Variants in NRG1 observed in about 807,000 individuals in gnomAD.
NRG1 encodes neuregulin 1, also known as pro-neuregulin-1, membrane-bound isoform.
NRG1 carries 18 observed loss-of-function variants against 63.8 expected under a neutral mutation model. That is an observed-to-expected ratio of 0.28 (90% CI 0.19 to 0.42). The LOEUF (loss-of-function observed/expected upper bound fraction) is 0.42. Ranked by LOEUF, NRG1 falls within the 10% of genes least tolerant of loss-of-function variation. The probability of loss-of-function intolerance (pLI) is 1.00; values close to 1 mark genes in which losing one functional copy is unlikely to be tolerated. For missense variants in NRG1, 762 were observed against 814.7 expected, an observed-to-expected ratio of 0.94 and a Z score of 0.79; for synonymous variants, 302 against 301.3, an observed-to-expected ratio of 1.00 and a Z score of -0.02.
intron 1 of NRG1, among the ~76,000 whole-genome samples, chr8:32,091,914 C>T (rs931316054): frequency 4.6e-5 from 7 of 152,018 alleles, no homozygotes; most frequent in South Asian, 2.1e-4. Context: ...ACTATGGCCT[C>T]GATCTGATGT....
intron 1 of NRG1, among the ~76,000 whole-genome samples, chr8:32,351,016 T>G (rs1402188441): frequency 6.6e-6 from 1 of 152,216 alleles, no homozygotes; most frequent in Non-Finnish European, 1.5e-5. Context: ...CTCCCCTTTT[T>G]GATCTCATGT....
At chr8:32,684,995 T>G (rs1281253784) in intron 5 of NRG1, among the ~76,000 whole-genome samples, 3 of 152,174 alleles carry the variant, frequency 2.0e-5, no homozygotes, top group Non-Finnish European at 4.4e-5. Context: ...AGAGAACCCC[T>G]GTACCCTTTG....
chr8:32,280,271 A>G (rs1279237815), intron 1 of NRG1, among the ~76,000 whole-genome samples: 1 of 152,228 alleles, frequency 6.6e-6, no homozygotes, highest in Non-Finnish European at 1.5e-5. Flanking sequence ...ACGCACGCAC[A>G]CTTTCTAAAG....
rs182571594 is a variant in NRG1 at position 32,622,059 on chromosome 8, T to A, written c.502+5174T>A. Among the ~76,000 whole-genome samples the A allele has an allele frequency of 5.3e-5, 8 of 152,250 alleles. No individual in the cohort carries two copies. In the East Asian group the frequency reaches 1.6e-3, roughly 30 times the overall value. The stretch of plus-strand genomic sequence containing the variant: ...TACACGTCAAAGCATGGCAGGTGAA[T>A]GAAATGGGAAGAGCACAAATGCTGA... On this transcript the variant is annotated intron_variant, in intron 5 of 11. Coordinates refer to ENST00000356819, the Ensembl canonical transcript of NRG1.
intron 1 of NRG1, among the ~76,000 whole-genome samples, chr8:32,323,549 A>C (rs1049159038): frequency 9.9e-5 from 15 of 152,204 alleles, no homozygotes; most frequent in African/African-American, 3.6e-4. Flanking sequence ...GAAGCCAGCA[A>C]TGGTCCTGCA....
At chr8:32,323,988 G>A (rs767724509) in intron 1 of NRG1, among the ~76,000 whole-genome samples, 13 of 152,016 alleles carry the variant, frequency 8.6e-5, no homozygotes, top group Non-Finnish European at 1.3e-4. Context: ...CACAACAATC[G>A]TGTCAGGAGA....
intron 1 of NRG1, among the ~76,000 whole-genome samples, chr8:31,731,366 T>C (rs1375052415): frequency 6.6e-6 from 1 of 151,860 alleles, no homozygotes; most frequent in East Asian, 1.9e-4. Context: ...GTTAATTATA[T>C]AGGAAAATCC....
At chr8:32,773,719 A>G (rs983616461) in intron 7 of NRG1, among the ~76,000 whole-genome samples, 1 of 152,104 alleles carries the variant, frequency 6.6e-6, no homozygotes, top group African/African-American at 2.4e-5. Context: ...CATCCTTCAC[A>G]TCATGCTAGA....
intron 1 of NRG1, among the ~76,000 whole-genome samples, chr8:31,862,791 G>C (rs1238578118): frequency 6.6e-6 from 1 of 152,148 alleles, no homozygotes; most frequent in Non-Finnish European, 1.5e-5. Flanking sequence ...ACAAGAGCTT[G>C]AATGTGGCCT....
intron 5 of NRG1, among the ~76,000 whole-genome samples, chr8:32,630,110 C>T (rs542669787): frequency 7.9e-4 from 120 of 152,236 alleles, no homozygotes; most frequent in African/African-American, 2.8e-3. Context: ...TCTTTTCACC[C>T]ACAGATGGTA....
At chr8:31,736,356 G>A (rs1467967356) in intron 1 of NRG1, among the ~76,000 whole-genome samples, 1 of 152,066 alleles carries the variant, frequency 6.6e-6, no homozygotes, top group Non-Finnish European at 1.5e-5. Context: ...CCCTGCATGA[G>A]CTAGAATCCA....
intron 1 of NRG1, among the ~76,000 whole-genome samples, chr8:31,980,852 G>A (rs1351080292): frequency 6.6e-6 from 1 of 151,734 alleles, no homozygotes; most frequent in East Asian, 1.9e-4. Flanking sequence ...TTTTATTCTA[G>A]GTGGGAGAAT....
chr8:31,954,383 A>G (rs1205461794), intron 1 of NRG1, among the ~76,000 whole-genome samples: 4 of 152,240 alleles, frequency 2.6e-5, no homozygotes, highest in Admixed American at 2.0e-4. Context: ...CTTTGGAAAT[A>G]TAGTTTATGA....
chr8:32,697,855 A>G (rs1813760466), intron 5 of NRG1, among the ~76,000 whole-genome samples: 1 of 152,176 alleles, frequency 6.6e-6, no homozygotes, highest in South Asian at 2.1e-4. Flanking sequence ...TAGAAAAACA[A>G]ATTTCAGTGC....
chr8:31,705,371 C>T lies in NRG1; in HGVS notation c.37+65940C>T, dbSNP rs114913779. Among the ~76,000 whole-genome samples the T allele has an allele frequency of 8.0e-3, 1,222 of 152,094 alleles. 13 individuals are homozygous for T. Among genetic ancestry groups the T allele is most frequent in the African/African-American group, 0.028 (1,151 of 41,482 alleles). On this transcript the variant is annotated intron_variant, in intron 1 of 10. Coordinates refer to the NRG1 transcript ENST00000519301. ...CTGTTTTTGTTTTTATTTTGTAAAA[C>T]GGCCTTCTCCACGCTGAAACTCTCT...
chr8:31,895,931 T>C (rs1831541009), intron 1 of NRG1, among the ~76,000 whole-genome samples: 1 of 152,222 alleles, frequency 6.6e-6, no homozygotes, highest in Non-Finnish European at 1.5e-5. Context: ...TTAAGTTATA[T>C]TAACAAGAGT....
At chr8:32,356,477 C>A (rs1223349479) in intron 1 of NRG1, among the ~76,000 whole-genome samples, 232 of 119,064 alleles carry the variant, frequency 1.9e-3, no homozygotes, top group Middle Eastern at 4.0e-3. Flanking sequence ...TGTTGGGACC[C>A]CCCCCCCACC....
intron 1 of NRG1, among the ~76,000 whole-genome samples, chr8:32,286,818 G>A (rs1025486163): frequency 6.6e-6 from 1 of 152,102 alleles, no homozygotes; most frequent in African/African-American, 2.4e-5. Context: ...CCAACCTGGT[G>A]AAACCCTGTC....
intron 1 of NRG1, among the ~76,000 whole-genome samples, chr8:31,787,367 T>A (rs950261248): frequency 1.5e-4 from 23 of 152,084 alleles, no homozygotes; most frequent in African/African-American, 5.6e-4. Flanking sequence ...GGGATTTAAA[T>A]AATGATTATC....
Sources: gnomAD v4.1 joint callset for allele counts (sites outside exome capture counted in the v4.1 genomes callset) on GRCh38, gnomAD v4.1.1 for gene constraint, MANE v1.5 for transcripts, NCBI Gene and HGNC (gene_info 2026-07-23, HGNC 2026-07-21) for gene names.